The following GRM7 variants were observed in gnomAD, a reference collection of about 807,000 sequenced individuals.
GRM7 encodes the protein metabotropic glutamate receptor 7.
Under a neutral mutation model 84.5 loss-of-function variants are expected in GRM7, and 35 were observed. That is an observed-to-expected ratio of 0.41 (90% CI 0.32 to 0.55). The LOEUF (loss-of-function observed/expected upper bound fraction) is 0.55. Ranked by LOEUF, GRM7 falls within the 20% of genes least tolerant of loss-of-function variation. The probability of loss-of-function intolerance (pLI) is 0.19; values close to 1 mark genes in which losing one functional copy is unlikely to be tolerated. For missense variants in GRM7, 1,003 were observed against 1,194.6 expected (o/e 0.84, Z 2.36); for synonymous variants, 487 against 455.1 (o/e 1.07, Z -0.89).
chr3:7,372,864 T>C (rs1694197707), intron 4 of GRM7, among the ~76,000 whole-genome samples: 1 of 152,140 alleles, frequency 6.6e-6, no homozygotes. Context: ...GCTTTTTTTT[T>C]AATTGGTCTT....
In GRM7 at chr3:7,431,713, C is replaced by T. The variant is rs756009921; in HGVS notation, c.1174+16550C>T. Among the ~76,000 whole-genome samples the T allele has an allele frequency of 5.9e-5, 9 of 152,174 alleles. No homozygotes were observed. In the South Asian group the frequency reaches 1.2e-3, roughly 21 times the overall value. ...TCATTAAGTGAGATAATGAATGTAA[C>T]GTGGTGAGGACAGTTTTGGGAGTGT... On this transcript the variant is annotated intron_variant, in intron 5 of 9. Coordinates refer to ENST00000357716, the MANE Select transcript of GRM7 (RefSeq NM_000844.4).
chr3:7,080,913 T>C (rs1698255368), intron 1 of GRM7, among the ~76,000 whole-genome samples: 1 of 152,060 alleles, frequency 6.6e-6, no homozygotes, highest in South Asian at 2.1e-4. Context: ...TTAATCTAGT[T>C]CAATTCATTC....
chr3:7,468,576 A>G (rs955965959), intron 7 of GRM7, among the ~76,000 whole-genome samples: 4 of 152,190 alleles, frequency 2.6e-5, no homozygotes, highest in Admixed American at 2.6e-4. Context: ...CAATAATTTC[A>G]CATCCTTAGT....
chr3:7,703,248 T>G (rs1701283491), intron 9 of GRM7, among the ~76,000 whole-genome samples: 1 of 152,070 alleles, frequency 6.6e-6, no homozygotes, highest in African/African-American at 2.4e-5. Context: ...TAATGCAAAT[T>G]TTGGGACCCC....
At chr3:7,137,528 G>A (rs576053634) in intron 1 of GRM7, among the ~76,000 whole-genome samples, 1 of 152,180 alleles carries the variant, frequency 6.6e-6, no homozygotes, top group East Asian at 1.9e-4. Context: ...TGAGTTTTCT[G>A]TCTTGTCATC....
intron 8 of GRM7, among the ~76,000 whole-genome samples, chr3:7,662,641 G>A (rs528080728): frequency 2.6e-5 from 4 of 152,250 alleles, no homozygotes; most frequent in South Asian, 4.2e-4. Context: ...CTTAGGTGAC[G>A]CTTACAGAAA....
intron 2 of GRM7, among the ~76,000 whole-genome samples, chr3:7,160,086 G>C (rs1465325101): frequency 6.6e-6 from 1 of 152,086 alleles, no homozygotes; most frequent in Non-Finnish European, 1.5e-5. Context: ...TTTACATTTT[G>C]GGAGTCATTT....
At chr3:7,450,799 A>C (rs766049267) in intron 5 of GRM7, among the ~76,000 whole-genome samples, 29 of 152,180 alleles carry the variant, frequency 1.9e-4, no homozygotes, top group Non-Finnish European at 3.8e-4. Context: ...TTTGGTATTT[A>C]AATGAGATAC....
At chr3:6,946,281 T>A (rs982630747) in intron 1 of GRM7, among the ~76,000 whole-genome samples, 1 of 152,236 alleles carries the variant, frequency 6.6e-6, no homozygotes, top group Non-Finnish European at 1.5e-5. Context: ...TACATATGGC[T>A]AGCCAGTTTT....
intron 2 of GRM7, among the ~76,000 whole-genome samples, chr3:7,292,736 AAC>A: frequency 6.6e-6 from 1 of 151,484 alleles, no homozygotes; most frequent in African/African-American, 2.4e-5. Flanking sequence ...TAAAAAAAAA[AAC>A]AAACCATTGA....
In GRM7 at chr3:7,540,688, C is replaced by T. The variant is rs73116013; in HGVS notation, c.1516-37734C>T. On this transcript the variant is annotated intron_variant, in intron 7 of 9. Coordinates refer to ENST00000357716, the MANE Select transcript of GRM7 (RefSeq NM_000844.4). ...GGAAATACTTTAAGCCACTGACTTACATCTTTTAAAATGGCAGATTTGATG... is the reference window on the plus strand; with the variant it reads ...GGAAATACTTTAAGCCACTGACTTATATCTTTTAAAATGGCAGATTTGATG... Among the ~76,000 whole-genome samples the T allele has an allele frequency of 3.8e-3, 583 of 152,282 alleles. 7 individuals are homozygous for T. The highest frequency in any genetic ancestry group is 0.013 in the African/African-American group (560 of 41,568).
chr3:7,048,577 C>T (rs1163759899), intron 1 of GRM7, among the ~76,000 whole-genome samples: 3 of 151,402 alleles, frequency 2.0e-5, no homozygotes, highest in Non-Finnish European at 4.4e-5. Flanking sequence ...GCTTTACTTC[C>T]CCATTTTTCT....
chr3:7,604,488 TC>T (rs1280558338), intron 8 of GRM7, among the ~76,000 whole-genome samples: 2 of 152,160 alleles, frequency 1.3e-5, no homozygotes, highest in African/African-American at 4.8e-5. Context: ...TTCTCAAGGT[TC>T]CCAAATTACC....
intron 4 of GRM7, among the ~76,000 whole-genome samples, chr3:7,406,043 T>A (rs1695661276): frequency 6.6e-6 from 1 of 152,000 alleles, no homozygotes; most frequent in African/African-American, 2.4e-5. Flanking sequence ...AACACACATT[T>A]TTTTGGCTCC....
At chr3:7,106,600 G>T (rs1692652618) in intron 1 of GRM7, among the ~76,000 whole-genome samples, 1 of 151,966 alleles carries the variant, frequency 6.6e-6, no homozygotes, top group African/African-American at 2.4e-5. Flanking sequence ...TAACAAACAC[G>T]GGATGATCCA....
chr3:7,136,794 A>G (rs537798590), intron 1 of GRM7, among the ~76,000 whole-genome samples: 3 of 152,238 alleles, frequency 2.0e-5, no homozygotes, highest in South Asian at 2.1e-4. Context: ...GTGGTATCCA[A>G]TGGGGAAACA....
intron 3 of GRM7, among the ~76,000 whole-genome samples, chr3:7,302,607 A>G (rs1159609398): frequency 6.6e-6 from 1 of 152,164 alleles, no homozygotes; most frequent in East Asian, 1.9e-4. Context: ...AACTATGCAT[A>G]TATACACATA....
intron 9 of GRM7, chr3:7,682,341 AAAAAAAAAAAAAAAAGAAAAAG>A (rs1367483598): frequency 6.8e-6 from 1 of 146,904 alleles, no homozygotes; most frequent in African/African-American, 2.5e-5. Flanking sequence ...CATCTCAAAA[AAAAAAAAAAAAAAAAGAAAAAG>A]AAAAAAAAGA....
intron 1 of GRM7, among the ~76,000 whole-genome samples, chr3:7,135,708 G>A (rs1405751209): frequency 6.6e-6 from 1 of 151,344 alleles, no homozygotes. Flanking sequence ...TACTGAGAAA[G>A]AATGTAATAT....
Sources: allele counts gnomAD v4.1 joint callset (sites outside exome capture counted in the v4.1 genomes callset), GRCh38; gene constraint gnomAD v4.1.1; transcripts MANE v1.5; gene names NCBI Gene and HGNC (gene_info 2026-07-23, HGNC 2026-07-21).